RTTN: variants seen among roughly 807,000 people sequenced by gnomAD.
RTTN encodes the protein rotatin.
RTTN carries 182 observed loss-of-function variants against 269.2 expected under a neutral mutation model. The observed-to-expected ratio is 0.68, with a 90% CI of 0.60 to 0.76. The LOEUF (loss-of-function observed/expected upper bound fraction) is 0.76, where lower values mean the gene tolerates loss of function less well. RTTN is among the 30% of genes least tolerant of loss of function. The pLI is 0.00. For missense variants in RTTN, 2,545 were observed against 2,608.6 expected, an observed-to-expected ratio of 0.98 and a Z score of 0.53; for synonymous variants, 1,006 against 963.5, an observed-to-expected ratio of 1.04 and a Z score of -0.82.
chr18:70,205,500 C>T (rs1008810124), intron 1 of RTTN, 128 bp downstream of exon 1: 2 of 1,393,108 alleles, frequency 1.4e-6, no homozygotes, highest in African/African-American at 2.8e-5. Flanking sequence ...CGGGGGCTAT[C>T]CTGACAAAGC....
rs562033514 is a variant in RTTN at position 70,063,623 on chromosome 18, T to C, written c.4747+2206A>G. ...AATGGAAAAAATTAAATTGAGATAA[T>C]TCTAATGAAAATTGTCCAAACAATT... On this transcript the variant is annotated intron_variant, in intron 35 of 48. Transcript: ENST00000640769. Among the ~76,000 whole-genome samples, 13 of 146,538 alleles carry C rather than the reference T, an allele frequency of 8.9e-5. No individual in the cohort carries two copies. In the South Asian group the frequency reaches 2.5e-3, roughly 28 times the overall value.
intron 23 of RTTN, among the ~76,000 whole-genome samples, chr18:70,132,945 G>A (rs2145656530): frequency 1.3e-5 from 2 of 152,148 alleles, no homozygotes; most frequent in Middle Eastern, 6.8e-3. Flanking sequence ...AGTAAAATCA[G>A]ATAGATATGG....
intron 4 of RTTN, among the ~76,000 whole-genome samples, chr18:70,199,952 T>C (rs760275713): frequency 6.6e-6 from 1 of 152,252 alleles, no homozygotes; most frequent in Non-Finnish European, 1.5e-5. Context: ...TGGTGTCAGG[T>C]GTTTTAAACC....
chr18:70,196,535 A>C lies in RTTN; in HGVS notation c.807T>G (p.Phe269Leu). The C allele has an allele frequency of 6.2e-7, 1 of 1,611,236 alleles. No homozygotes were observed. The highest frequency in any genetic ancestry group is 8.5e-7 in the Non-Finnish European group (1 of 1,179,328). The change falls in exon 7 of 49, where the codon TTT (phenylalanine) becomes TTG (leucine). Residue 269 changes from phenylalanine (F) to leucine (L), a missense_variant. Physicochemically the swap from Phe to Leu is conservative, Grantham distance 22. Transcript: ENST00000640769. ...LCMYLRNRLN[F>L]HRDPGFFSNK... ...TGGAGAAAAAACCTGGATCTCGGTGAAAGTTAAGTCTGTTTCTTAAATACA... is the reference window on the plus strand; with the variant it reads ...TGGAGAAAAAACCTGGATCTCGGTGCAAGTTAAGTCTGTTTCTTAAATACA...
At chr18:70,098,625 T>C (rs1343419399) in intron 28 of RTTN, among the ~76,000 whole-genome samples, 1 of 152,178 alleles carries the variant, frequency 6.6e-6, no homozygotes, top group African/African-American at 2.4e-5. Flanking sequence ...TTAATATTTA[T>C]AATTAAAAAA....
chr18:70,084,909 A>AT (rs2058663534), intron 32 of RTTN, among the ~76,000 whole-genome samples: 4 of 152,256 alleles, frequency 2.6e-5, no homozygotes, highest in Admixed American at 2.6e-4. Context: ...GCATGCCACC[A>AT]GCAACAAACA....
At position 70,142,322 on chromosome 18, in the gene RTTN, C is replaced by G. The variant is rs1386722677; in HGVS notation, c.2547G>C (p.Lys849Asn). 1 of 1,608,510 alleles carries G rather than the reference C, an allele frequency of 6.2e-7. No individual in the cohort carries two copies. The highest frequency in any genetic ancestry group is 8.5e-7 in the Non-Finnish European group (1 of 1,177,776). Residue 849 changes from lysine to asparagine, a missense_variant, in exon 19 of 49, where the codon AAG (lysine) becomes AAC (asparagine). Physicochemically the swap from Lys to Asn is moderately conservative, Grantham distance 94. Coordinates refer to ENST00000640769, the MANE Select transcript of RTTN (RefSeq NM_173630.4). ...TSDDVDLVLR[K>N]SAAEQLAVIM... Reference sequence around the variant, plus strand: ...TCACAGCTAACTGTTCAGCAGCTGACTTTCTCAAAACGAGATCAACATCAT... The same window carrying G: ...TCACAGCTAACTGTTCAGCAGCTGAGTTTCTCAAAACGAGATCAACATCAT...
intron 14 of RTTN, among the ~76,000 whole-genome samples, chr18:70,154,398 AATAATTATTTAAAATCTGCCT>A (rs1399740038): frequency 1.3e-5 from 2 of 152,140 alleles, no homozygotes; most frequent in Non-Finnish European, 2.9e-5. Flanking sequence ...TTTTATTTCC[AATAATTATTTAAAATCTGCCT>A]CAAGAAAGAT....
At chr18:70,008,634 G>A (rs549690590) in intron 46 of RTTN, 74 of 150,896 alleles carry the variant, frequency 4.9e-4, no homozygotes, top group African/African-American at 1.5e-3. Context: ...TAGCGAAATC[G>A]ATCAAGCAGA....
intron 35 of RTTN, among the ~76,000 whole-genome samples, chr18:70,061,873 A>C (rs1219981485): frequency 6.6e-6 from 1 of 152,138 alleles, no homozygotes; most frequent in Admixed American, 6.5e-5. Context: ...AAAGCTCCAA[A>C]TATAATCCAA....
intron 43 of RTTN, among the ~76,000 whole-genome samples, chr18:70,025,833 T>C (rs2056837995): frequency 6.6e-6 from 1 of 152,212 alleles, no homozygotes; most frequent in African/African-American, 2.4e-5. Flanking sequence ...TTCCACTTCT[T>C]GCCTGCCAGA....
rs2058406780 is a variant in RTTN, at chr18:70,075,559, A to G, written c.4375-18T>C. ...CAGGGACCCTGTAGGAAGAGAGGGA[A>G]AGAAGGAGGAGACACTGATTTATCC... On this transcript the variant is annotated intron_variant, in intron 32 of 48. Coordinates refer to ENST00000640769, the MANE Select transcript of RTTN (RefSeq NM_173630.4). 3.3e-6 allele frequency: 5 copies of G among 1,533,720 alleles called. No individual in the cohort carries two copies. The highest frequency in any genetic ancestry group is 2.6e-6 in the Non-Finnish European group (3 of 1,147,212).
intron 40 of RTTN, among the ~76,000 whole-genome samples, chr18:70,043,916 G>A (rs957244172): frequency 1.3e-5 from 2 of 152,206 alleles, no homozygotes; most frequent in Non-Finnish European, 2.9e-5. Flanking sequence ...GAGCCTGGAG[G>A]CAGCAAGGCT....
chr18:70,182,874 C>CAA (rs1191797577), intron 10 of RTTN, among the ~76,000 whole-genome samples: 2 of 152,032 alleles, frequency 1.3e-5, no homozygotes, highest in Non-Finnish European at 2.9e-5. Context: ...TACTGAAATA[C>CAA]AAACAGCAAA....
chr18:70,185,484 A>G (rs187505306), intron 10 of RTTN, among the ~76,000 whole-genome samples: 1 of 152,330 alleles, frequency 6.6e-6, no homozygotes, highest in Admixed American at 6.5e-5. Context: ...AACTTCCTCA[A>G]CTTTATAAAG....
intron 29 of RTTN, 76 bp from the exon 30 acceptor site, chr18:70,092,296 A>T (rs2058871037): frequency 2.2e-6 from 2 of 926,470 alleles, no homozygotes; most frequent in Admixed American, 4.4e-5. Flanking sequence ...TAAAACAAGA[A>T]TTTTTAATGA....
intron 40 of RTTN, among the ~76,000 whole-genome samples, chr18:70,043,862 G>A (rs1464707968): frequency 6.6e-6 from 1 of 152,240 alleles, no homozygotes; most frequent in Non-Finnish European, 1.5e-5. Context: ...AAAGCAGTCT[G>A]AGCATCACTG....
intron 35 of RTTN, among the ~76,000 whole-genome samples, chr18:70,062,528 T>G (rs996860189): frequency 3.3e-5 from 5 of 152,144 alleles, no homozygotes; most frequent in African/African-American, 1.2e-4. Flanking sequence ...CTATAAATAC[T>G]CTTTATCATT....
intron 44 of RTTN, among the ~76,000 whole-genome samples, chr18:70,023,657 T>A (rs963091382): frequency 2.0e-5 from 3 of 152,218 alleles, no homozygotes; most frequent in Admixed American, 6.5e-5. Context: ...ACTGAATCTG[T>A]CTACTTCTCT....
Sources: allele counts gnomAD v4.1 joint callset (sites outside exome capture counted in the v4.1 genomes callset), GRCh38; gene constraint gnomAD v4.1.1; transcripts MANE v1.5; gene names NCBI Gene and HGNC (gene_info 2026-07-23, HGNC 2026-07-21).